ADGRD1: variants seen among roughly 807,000 people sequenced by gnomAD.
ADGRD1 encodes the protein adhesion G protein-coupled receptor D1.
ADGRD1 carries 77 observed loss-of-function variants against 113.4 expected under a neutral mutation model. The ratio of observed to expected loss-of-function variants is 0.68; its 90% CI spans 0.57 to 0.82. ADGRD1 has a LOEUF of 0.82. Among genes scored for constraint, ADGRD1 ranks in the 40% least tolerant of loss-of-function variants. The pLI is 0.00. For missense variants in ADGRD1, 1,036 were observed against 1,139.1 expected, an observed-to-expected ratio of 0.91 and a Z score of 1.30; for synonymous variants, 474 against 475.0, an observed-to-expected ratio of 1.00 and a Z score of 0.03.
chr12:130,993,229 T>C (rs1239031122), intron 8 of ADGRD1, among the ~76,000 whole-genome samples: 1 of 152,056 alleles, frequency 6.6e-6, no homozygotes, highest in Non-Finnish European at 1.5e-5. Flanking sequence ...TCAAGGGTTC[T>C]TAATTCTTAC....
chr12:130,960,472 C>G (rs1376617167), intron 2 of ADGRD1, among the ~76,000 whole-genome samples: 1 of 152,008 alleles, frequency 6.6e-6, no homozygotes, highest in Non-Finnish European at 1.5e-5. Context: ...ATGTTTATAT[C>G]CGATTGAAGA....
At position 131,131,869 on chromosome 12, in the gene ADGRD1, A is replaced by C. The variant is rs1200729838; in HGVS notation, c.2267+53A>C. The C allele has an allele frequency of 1.2e-5, 14 of 1,204,296 alleles. 1 individual carries two copies. Among genetic ancestry groups the C allele is most frequent in the African/African-American group, 8.9e-5 (6 of 67,142 alleles). The allele number at this position is 1,204,296 out of a possible 1,614,324, so 74.6% of individuals were successfully genotyped here. On this transcript the variant is annotated intron_variant, in intron 21 of 24. Coordinates refer to ENST00000261654, the MANE Select transcript of ADGRD1 (RefSeq NM_198827.5). ...GCCACGGCCCTTCTGCCCCCAGAGG[A>C]TGCTTTGAGGTCACAGGAGAGATAG...
At chr12:131,043,975 G>A (rs750193018) in intron 13 of ADGRD1, among the ~76,000 whole-genome samples, 6 of 152,144 alleles carry the variant, frequency 3.9e-5, no homozygotes, top group Admixed American at 1.3e-4. Context: ...GCATTTGGCC[G>A]GGCCACTAGA....
At chr12:131,105,574 G>A (rs912377474) in intron 16 of ADGRD1, among the ~76,000 whole-genome samples, 180 bp from the exon 17 acceptor site, 4 of 152,160 alleles carry the variant, frequency 2.6e-5, no homozygotes, top group African/African-American at 9.7e-5. Flanking sequence ...GGCATGGAAG[G>A]AGCTGGGGTC....
At chr12:131,048,819 G>A (rs1353514310) in intron 13 of ADGRD1, among the ~76,000 whole-genome samples, 1 of 152,166 alleles carries the variant, frequency 6.6e-6, no homozygotes, top group Non-Finnish European at 1.5e-5. Flanking sequence ...TGAAGGGCTG[G>A]GCGGCAGGGC....
chr12:131,079,267 A>C (rs187786533), intron 14 of ADGRD1, among the ~76,000 whole-genome samples: 37 of 152,312 alleles, frequency 2.4e-4, no homozygotes, highest in Admixed American at 1.4e-3. Flanking sequence ...TCCCGAGTAG[A>C]GGAACATTTG....
rs1342744351 is a variant in ADGRD1 at position 130,954,614 on chromosome 12, T to C, written c.67-10T>C. On this transcript the variant is annotated splice_polypyrimidine_tract_variant and intron_variant, in intron 1 of 24. Coordinates refer to ENST00000261654, the MANE Select transcript of ADGRD1 (RefSeq NM_198827.5). This position sits in a 1 kb window ranked among gnomAD's most constrained non-coding sequence, Gnocchi z 4.7. ...TGAGTGTGTCTCACACTGTGGTCTT[T>C]TGTGCGCAGGTGCGTGGCGTCTACT... is the stretch of plus-strand genomic sequence containing the variant. The C allele has an allele frequency of 6.2e-7, 1 of 1,613,932 alleles. No homozygotes were observed. The highest frequency in any genetic ancestry group is 1.3e-5 in the African/African-American group (1 of 74,932).
intron 14 of ADGRD1, among the ~76,000 whole-genome samples, chr12:131,079,545 T>C (rs965535154): frequency 6.6e-6 from 1 of 152,222 alleles, no homozygotes; most frequent in African/African-American, 2.4e-5. Context: ...GAATAGTCTG[T>C]ATAGAATTGA....
chr12:131,124,901 G>A (rs957507813), intron 20 of ADGRD1, among the ~76,000 whole-genome samples: 1 of 152,148 alleles, frequency 6.6e-6, no homozygotes, highest in Admixed American at 6.5e-5. Flanking sequence ...GCTGTAACAC[G>A]GGACCACAGG....
chr12:130,986,375 A>C (rs1214412102), intron 5 of ADGRD1, among the ~76,000 whole-genome samples: 1 of 152,142 alleles, frequency 6.6e-6, no homozygotes, highest in Non-Finnish European at 1.5e-5. Context: ...ATGTATTGTT[A>C]TAATATATGT....
chr12:131,138,090 G>A (rs375275544), intron 23 of ADGRD1, 47 bp from the exon 24 acceptor site: 15 of 1,503,652 alleles, frequency 1.0e-5, no homozygotes, highest in Middle Eastern at 1.7e-4. Context: ...GGTTACGGCT[G>A]TTGCAGCCTC....
chr12:130,987,882 AT>A (rs1197367221), intron 6 of ADGRD1: 1 of 167,994 alleles, frequency 6.0e-6, no homozygotes. Flanking sequence ...CCATTTAAAA[AT>A]GAACAAGTCA....
chr12:131,076,221 G>A (rs1345729908), intron 13 of ADGRD1, among the ~76,000 whole-genome samples: 1 of 152,226 alleles, frequency 6.6e-6, no homozygotes, highest in African/African-American at 2.4e-5. Context: ...TGGGGATGCA[G>A]CCGTGAATGA....
chr12:131,008,993 C>T (rs1877533033), intron 12 of ADGRD1, among the ~76,000 whole-genome samples: 1 of 152,212 alleles, frequency 6.6e-6, no homozygotes, highest in Admixed American at 6.5e-5. Context: ...GTAACTGACC[C>T]AGGCAGAAGC....
intron 7 of ADGRD1, among the ~76,000 whole-genome samples, chr12:130,991,675 A>G (rs888272524): frequency 5.9e-5 from 9 of 152,186 alleles, no homozygotes; most frequent in Admixed American, 5.2e-4. Flanking sequence ...TGTCAGATAC[A>G]TGGTAGGAGC....
intron 20 of ADGRD1, among the ~76,000 whole-genome samples, chr12:131,127,791 A>G (rs559778155): frequency 7.6e-6 from 1 of 131,862 alleles, no homozygotes; most frequent in African/African-American, 3.0e-5. Flanking sequence ...GTTGGTTGTG[A>G]TGGGACCCTG....
intron 19 of ADGRD1, 74 bp downstream of exon 19, chr12:131,118,525 T>C: frequency 8.6e-6 from 9 of 1,052,132 alleles, no homozygotes; most frequent in African/African-American, 1.6e-5. Context: ...CCGTGGCTCT[T>C]GCCTTCCTGT....
At chr12:131,132,657 G>A (rs1000711756) in intron 21 of ADGRD1, among the ~76,000 whole-genome samples, 9 of 152,198 alleles carry the variant, frequency 5.9e-5, no homozygotes, top group Admixed American at 3.9e-4. Context: ...CTGCTGAGAC[G>A]GAGGCCTGCG....
At chr12:131,097,407 G>T (rs745714212) in intron 15 of ADGRD1, among the ~76,000 whole-genome samples, 1 of 152,182 alleles carries the variant, frequency 6.6e-6, no homozygotes, top group African/African-American at 2.4e-5. Flanking sequence ...GTCCTCTCCC[G>T]TCCTGCAGCA....
Sources: allele counts gnomAD v4.1 joint callset (sites outside exome capture counted in the v4.1 genomes callset), GRCh38; gene constraint gnomAD v4.1.1; non-coding constraint Gnocchi (gnomAD v3.1); transcripts MANE v1.5; gene names NCBI Gene and HGNC (gene_info 2026-07-23, HGNC 2026-07-21).